Variants in MRPS31 observed in about 807,000 individuals in gnomAD.
The protein encoded by MRPS31 is small ribosomal subunit protein mS31.
Under a neutral mutation model 43.1 loss-of-function variants are expected in MRPS31, and 32 were observed. The ratio of observed to expected loss-of-function variants is 0.74; its 90% CI spans 0.56 to 1.00. MRPS31 has a LOEUF of 1.00. Among genes scored for constraint, MRPS31 ranks in the 50% least tolerant of loss-of-function variants. MRPS31 has a pLI of 0.00. For synonymous variants in MRPS31, 165 were observed against 161.6 expected (o/e 1.02, Z -0.16); for missense variants, 437 against 466.7 (o/e 0.94, Z 0.59).
At chr13:40,755,128 A>G (rs560016882) in intron 4 of MRPS31, among the ~76,000 whole-genome samples, 1 of 152,360 alleles carries the variant, frequency 6.6e-6, no homozygotes, top group African/African-American at 2.4e-5. Context: ...CTCTCTACTA[A>G]ATAGAAATAA....
Position 40,754,099 on chromosome 13 carries a change from C to A in MRPS31, c.741-7G>T. The A allele has an allele frequency of 6.8e-7, 1 of 1,474,364 alleles. No individual in the cohort carries two copies. The highest frequency in any genetic ancestry group is 9.3e-7 in the Non-Finnish European group (1 of 1,073,624). The allele number at this position is 1,474,364 out of a possible 1,614,324, so 91.3% of individuals were successfully genotyped here. A position where few individuals can be genotyped will look rare whatever the true frequency, so the allele number is the denominator to read the frequency against. ...CCCTGTGAATATATTTTTCCTAAGTCCAAAAAAAGAAAATAACATTTTAAT... is the reference window on the plus strand; with the variant it reads ...CCCTGTGAATATATTTTTCCTAAGTACAAAAAAAGAAAATAACATTTTAAT... On this transcript the variant is annotated splice_polypyrimidine_tract_variant and splice_region_variant and intron_variant, in intron 4 of 6. Transcript: ENST00000323563.
intron 2 of MRPS31, among the ~76,000 whole-genome samples, chr13:40,764,591 A>C (rs1371691178): frequency 2.6e-5 from 4 of 152,224 alleles, no homozygotes; most frequent in African/African-American, 9.6e-5. Flanking sequence ...CATTAAAAAG[A>C]AAATACAACT....
In MRPS31 at chr13:40,749,230, A is replaced by C; in HGVS notation, c.866T>G (p.Val289Gly). The C allele has an allele frequency of 6.3e-7, 1 of 1,598,804 alleles. No homozygotes were observed. The highest frequency in any genetic ancestry group is 8.5e-7 in the Non-Finnish European group (1 of 1,176,536). ...DVEFAKQLAT[V>G]NEQPLQNGFE... ...TCCATTCTGAAGGGGTTGTTCATTT[A>C]CTGTGGCTAACTGCTTAGCAAATTC... The change falls in exon 6 of 7, where the codon GTA becomes GGA. Residue 289 changes from valine to glycine, a missense_variant. Val to Gly is a moderately radical substitution (Grantham distance 109, BLOSUM62 -3). Transcript: ENST00000323563.
chr13:40,731,653 C>T (rs537652591), intron 6 of MRPS31, among the ~76,000 whole-genome samples: 2 of 151,440 alleles, frequency 1.3e-5, no homozygotes, highest in East Asian at 3.9e-4. Context: ...GAAAATAATA[C>T]TTTAAATGTA....
chr13:40,743,090 T>C (rs1880146638), intron 6 of MRPS31, among the ~76,000 whole-genome samples: 1 of 152,098 alleles, frequency 6.6e-6, no homozygotes, highest in Non-Finnish European at 1.5e-5. Flanking sequence ...GGCAGGCAGA[T>C]CACCTGAGGT....
chr13:40,738,972 C>T (rs1880002582), intron 6 of MRPS31, among the ~76,000 whole-genome samples: 4 of 152,196 alleles, frequency 2.6e-5, no homozygotes, highest in African/African-American at 9.6e-5. Context: ...AAAGGGTATT[C>T]AATTAGGAAA....
chr13:40,767,141 C>A, intron 1 of MRPS31, 108 bp from the exon 2 acceptor site: 32 of 846,510 alleles, frequency 3.8e-5, no homozygotes, highest in Non-Finnish European at 4.6e-5. Flanking sequence ...GATTTTTTTT[C>A]AATTCAAGCC....
intron 4 of MRPS31, among the ~76,000 whole-genome samples, chr13:40,756,581 A>C (rs1323778183): frequency 6.6e-6 from 1 of 152,164 alleles, no homozygotes; most frequent in Non-Finnish European, 1.5e-5. Context: ...ATTTGCTCAG[A>C]ATTCAGTCAG....
chr13:40,769,408 A>G (rs1593280880), intron 1 of MRPS31, among the ~76,000 whole-genome samples: 1 of 111,878 alleles, frequency 8.9e-6, no homozygotes, highest in African/African-American at 3.9e-5. Context: ...ATATATATAT[A>G]TATATATATA....
At chr13:40,760,149 A>C (rs202153000) in intron 2 of MRPS31, among the ~76,000 whole-genome samples, 6,292 of 150,566 alleles carry the variant, frequency 0.042, 308 homozygotes, top group East Asian at 0.13. Context: ...AAAAAAAAAA[A>C]AAAAAAACTG....
At chr13:40,754,158 G>A (rs1880467264) in intron 4 of MRPS31, 66 bp from the exon 5 acceptor site, 1 of 872,322 alleles carries the variant, frequency 1.1e-6, no homozygotes, top group Non-Finnish European at 1.7e-6. Context: ...AAAACTATGA[G>A]AAAATATCTT....
At chr13:40,753,572 G>C (rs1880449888) in intron 5 of MRPS31, among the ~76,000 whole-genome samples, 1 of 152,306 alleles carries the variant, frequency 6.6e-6, no homozygotes, top group Non-Finnish European at 1.5e-5. Context: ...AGGCTGAGCA[G>C]GGAGCCAAGG....
intron 2 of MRPS31, among the ~76,000 whole-genome samples, chr13:40,762,813 TGTGTGTGTG>T (rs1880739429): frequency 6.6e-6 from 1 of 150,554 alleles, no homozygotes; most frequent in African/African-American, 2.4e-5. Flanking sequence ...TGTGTGTGTG[TGTGTGTGTG>T]TGTGTGTGTG....
At chr13:40,763,050 AAGTG>A (rs1332955280) in intron 2 of MRPS31, among the ~76,000 whole-genome samples, 2 of 152,254 alleles carry the variant, frequency 1.3e-5, no homozygotes, top group Non-Finnish European at 2.9e-5. Context: ...GGGATCAATT[AAGTG>A]AGTAATAGTT....
At chr13:40,769,909 T>C (rs1370371321) in intron 1 of MRPS31, among the ~76,000 whole-genome samples, 1 of 152,174 alleles carries the variant, frequency 6.6e-6, no homozygotes, top group Non-Finnish European at 1.5e-5. Flanking sequence ...CATCAGTACT[T>C]CAAATGCAAC....
chr13:40,763,015 C>T (rs79174604), intron 2 of MRPS31, among the ~76,000 whole-genome samples: 4,593 of 152,208 alleles, frequency 0.03, 176 homozygotes, highest in East Asian at 0.14. Flanking sequence ...TAGTGAAACA[C>T]CAGAGATAAT....
At chr13:40,748,733 C>A (rs1269749552) in intron 6 of MRPS31, among the ~76,000 whole-genome samples, 11 of 152,156 alleles carry the variant, frequency 7.2e-5, no homozygotes, top group Non-Finnish European at 1.2e-4. Flanking sequence ...GGTTTTATGA[C>A]TAAAGGACAC....
chr13:40,767,023 T>C lies in MRPS31; in HGVS notation c.163A>G (p.Asn55Asp), dbSNP rs764279977. 6.2e-7 allele frequency: 1 copy of C among 1,604,630 alleles called. No individual in the cohort carries two copies. The highest frequency in any genetic ancestry group is 8.5e-7 in the Non-Finnish European group (1 of 1,177,036). The change falls in exon 2 of 7, where the codon AAC becomes GAC. Residue 55 changes from asparagine (N) to aspartate (D), a missense_variant. By Grantham distance (23) the Asn-to-Asp change is conservative (BLOSUM62 1). Transcript: ENST00000323563. ...SSALLARTKN[N>D]IQRYFGTNSV... ...TTAGTGCCAAAATATCTTTGGATGTTATTTTTTGTCCTGGAAAGATGCATT... is the reference window on the plus strand; with the variant it reads ...TTAGTGCCAAAATATCTTTGGATGTCATTTTTTGTCCTGGAAAGATGCATT...
chr13:40,752,564 A>G (rs1027852536), intron 5 of MRPS31, among the ~76,000 whole-genome samples: 2 of 152,204 alleles, frequency 1.3e-5, no homozygotes, highest in Admixed American at 1.3e-4. Context: ...TTAAGATTTA[A>G]GACACCTAGT....
Sources: allele counts gnomAD v4.1 joint callset (sites outside exome capture counted in the v4.1 genomes callset), GRCh38; gene constraint gnomAD v4.1.1; transcripts MANE v1.5; gene names NCBI Gene and HGNC (gene_info 2026-07-23, HGNC 2026-07-21).